Variants in CERS4 observed in about 807,000 individuals in gnomAD.
CERS4 encodes ceramide synthase 4, also known as LAG1 homolog, ceramide synthase 4.
A neutral mutation model predicts 51.8 loss-of-function variants in CERS4; 65 were observed. The ratio of observed to expected loss-of-function variants is 1.26; its 90% CI spans 1.03 to 1.54. The LOEUF (loss-of-function observed/expected upper bound fraction) is 1.54, where lower values mean the gene tolerates loss of function less well. Ranked by LOEUF, CERS4 falls within the 40% of genes most tolerant of loss-of-function variation. The pLI is 0.00. For synonymous variants in CERS4, 228 were observed against 208.4 expected (o/e 1.09, Z -0.81); for missense variants, 563 against 500.4 (o/e 1.13, Z -1.19).
At chr19:8,222,375 C>T (rs1423461417) in intron 2 of CERS4, among the ~76,000 whole-genome samples, 1 of 151,762 alleles carries the variant, frequency 6.6e-6, no homozygotes, top group East Asian at 1.9e-4. Flanking sequence ...GATGGGGTTT[C>T]ACCATGTTGG....
intron 2 of CERS4, among the ~76,000 whole-genome samples, chr19:8,221,353 G>A (rs1350874871): frequency 6.6e-6 from 1 of 152,096 alleles, no homozygotes; most frequent in Non-Finnish European, 1.5e-5. Context: ...TGGGCTGGCA[G>A]CCTTGCCAAC....
At chr19:8,241,634 C>A (rs1367812193) in intron 2 of CERS4, among the ~76,000 whole-genome samples, 1 of 152,150 alleles carries the variant, frequency 6.6e-6, no homozygotes, top group African/African-American at 2.4e-5. Context: ...ACCTCAGGTG[C>A]CATTCCGAAC....
chr19:8,245,437 G>A (rs1177136759), intron 2 of CERS4, among the ~76,000 whole-genome samples: 1 of 151,272 alleles, frequency 6.6e-6, no homozygotes, highest in African/African-American at 2.4e-5. Context: ...TTTTTGTAGA[G>A]ACAGTTTCGC....
intron 2 of CERS4, among the ~76,000 whole-genome samples, chr19:8,231,851 A>ATTTTTTTTTTTCTTTTTTTTT (rs1968019868): frequency 9.6e-6 from 1 of 104,424 alleles, no homozygotes; most frequent in Non-Finnish European, 1.8e-5. Flanking sequence ...TGTGCCCAGC[A>ATTTTTTTTTTTCTTTTTTTTT]TTTTTTTTTT....
chr19:8,249,187 TTGGA>T (rs1467550493), intron 2 of CERS4, among the ~76,000 whole-genome samples: 9 of 134,588 alleles, frequency 6.7e-5, no homozygotes, highest in African/African-American at 1.2e-4. Flanking sequence ...GGACAGATGT[TTGGA>T]TGGGTGGATG....
intron 2 of CERS4, among the ~76,000 whole-genome samples, chr19:8,215,420 A>C (rs1284127010): frequency 6.6e-6 from 1 of 151,624 alleles, no homozygotes; most frequent in Non-Finnish European, 1.5e-5. Context: ...CGGAGGTTGC[A>C]GTGAGCAGAG....
intron 2 of CERS4, among the ~76,000 whole-genome samples, chr19:8,249,524 C>CCCCTGAAAT (rs1968961637): frequency 6.6e-6 from 1 of 151,480 alleles, no homozygotes; most frequent in South Asian, 2.1e-4. Flanking sequence ...GCAAGAGACC[C>CCCCTGAAAT]CCCTGAAATT....
At chr19:8,248,016 G>T (rs561233994) in intron 2 of CERS4, among the ~76,000 whole-genome samples, 1 of 152,228 alleles carries the variant, frequency 6.6e-6, no homozygotes, top group African/African-American at 2.4e-5. Flanking sequence ...TTACAGGTGT[G>T]AGCCACCGCA....
At chr19:8,234,183 G>A (rs1343747173) in intron 2 of CERS4, among the ~76,000 whole-genome samples, 1 of 152,188 alleles carries the variant, frequency 6.6e-6, no homozygotes, top group Non-Finnish European at 1.5e-5. Context: ...GCAGGTGCCT[G>A]TAGTCCCAGC....
At chr19:8,254,414 T>C in intron 3 of CERS4, 85 bp from the exon 4 acceptor site, 1 of 1,268,114 alleles carries the variant, frequency 7.9e-7, no homozygotes, top group Non-Finnish European at 1.1e-6. Context: ...GACTTGGTTA[T>C]CCCACCGGCA....
rs751745883 is a variant in CERS4, at chr19:8,261,910, T to G, written c.1006-20T>G. On this transcript the variant is annotated intron_variant, in intron 11 of 11. Coordinates refer to ENST00000251363, the MANE Select transcript of CERS4 (RefSeq NM_024552.3). ...TCCTTCCTCCCTGCTCTGAGCTCCA[T>G]CCCTCTCTCTGTTCCCCAGATGGAG... The G allele has an allele frequency of 3.7e-6, 6 of 1,610,060 alleles. No homozygotes were observed. Among genetic ancestry groups the G allele is most frequent in the Non-Finnish European group, 5.1e-6 (6 of 1,177,468 alleles).
intron 8 of CERS4, 119 bp downstream of exon 8, chr19:8,256,829 T>G (rs368883220): frequency 1.9e-6 from 3 of 1,581,322 alleles, no homozygotes; most frequent in Admixed American, 1.8e-5. Context: ...GCAGGAGATA[T>G]AGAGGCCATG....
intron 2 of CERS4, among the ~76,000 whole-genome samples, chr19:8,219,840 G>A (rs1445906302): frequency 6.6e-6 from 1 of 151,212 alleles, no homozygotes; most frequent in Non-Finnish European, 1.5e-5. Flanking sequence ...AATTAGCTGG[G>A]TATAGTGGCA....
chr19:8,248,402 G>A (rs1406577139), intron 2 of CERS4, among the ~76,000 whole-genome samples: 2 of 152,220 alleles, frequency 1.3e-5, no homozygotes, highest in Non-Finnish European at 2.9e-5. Context: ...AAGATGGACA[G>A]AAGGATGGGT....
chr19:8,235,977 C>T (rs1374001041), intron 2 of CERS4, among the ~76,000 whole-genome samples: 2 of 152,058 alleles, frequency 1.3e-5, no homozygotes, highest in East Asian at 3.9e-4. Flanking sequence ...GGGCAGATCA[C>T]GAGGTCAGGA....
chr19:8,225,918 G>C (rs556344115), intron 2 of CERS4, among the ~76,000 whole-genome samples: 4 of 151,932 alleles, frequency 2.6e-5, no homozygotes, highest in Admixed American at 2.6e-4. Context: ...AATGGTGACC[G>C]GGCAAGGTGA....
chr19:8,238,885 G>A (rs908352331), intron 2 of CERS4, among the ~76,000 whole-genome samples: 4 of 152,022 alleles, frequency 2.6e-5, no homozygotes, highest in Admixed American at 1.3e-4. Flanking sequence ...AATGGCTCAA[G>A]ACCAGGAGTG....
At chr19:8,244,375 CTT>C (rs2145259029) in intron 2 of CERS4, among the ~76,000 whole-genome samples, 1 of 152,306 alleles carries the variant, frequency 6.6e-6, no homozygotes, top group Admixed American at 6.5e-5. Context: ...AATGTAGTCT[CTT>C]AGCAATTTTC....
chr19:8,223,628 A>G (rs1003427755), intron 2 of CERS4, among the ~76,000 whole-genome samples: 3 of 151,894 alleles, frequency 2.0e-5, no homozygotes, highest in African/African-American at 7.3e-5. Context: ...TAAAAAAACA[A>G]AGACAAAATT....
Sources: allele counts gnomAD v4.1 joint callset (sites outside exome capture counted in the v4.1 genomes callset), GRCh38; gene constraint gnomAD v4.1.1; transcripts MANE v1.5; gene names NCBI Gene and HGNC (gene_info 2026-07-23, HGNC 2026-07-21).